The following KIAA0930 variants were observed in gnomAD, a reference collection of about 807,000 sequenced individuals.
The protein encoded by KIAA0930 is KIAA0930, also known as uncharacterized protein KIAA0930.
A neutral mutation model predicts 43.9 loss-of-function variants in KIAA0930; 24 were observed. The ratio of observed to expected loss-of-function variants is 0.55; its 90% CI spans 0.40 to 0.77. The LOEUF (loss-of-function observed/expected upper bound fraction) is 0.77. Among genes scored for constraint, KIAA0930 ranks in the 30% least tolerant of loss-of-function variants. The pLI, the probability that KIAA0930 is intolerant of heterozygous loss-of-function variation, is 0.00. For synonymous variants in KIAA0930, 259 were observed against 216.4 expected, an observed-to-expected ratio of 1.20 and a Z score of -1.73; for missense variants, 461 against 574.2, an observed-to-expected ratio of 0.80 and a Z score of 2.02.
At chr22:45,223,630 G>C (rs1010145032) in intron 1 of KIAA0930, among the ~76,000 whole-genome samples, 24 of 148,686 alleles carry the variant, frequency 1.6e-4, no homozygotes, top group African/African-American at 6.0e-4. Context: ...ATCAGCACCA[G>C]ATAAGCACCC....
chr22:45,220,298 C>CA (rs2083759640), intron 1 of KIAA0930, among the ~76,000 whole-genome samples: 1 of 151,732 alleles, frequency 6.6e-6, no homozygotes, highest in Admixed American at 6.6e-5. Context: ...ACTAAAAATA[C>CA]AAAAAAATTA....
intron 1 of KIAA0930, among the ~76,000 whole-genome samples, chr22:45,220,743 G>A (rs2083762600): frequency 6.6e-6 from 1 of 152,050 alleles, no homozygotes; most frequent in Non-Finnish European, 1.5e-5. Flanking sequence ...ACCATGCCCA[G>A]CTGTGTTTTG....
At chr22:45,206,830 C>T (rs1289075841) in intron 2 of KIAA0930, among the ~76,000 whole-genome samples, 1 of 152,004 alleles carries the variant, frequency 6.6e-6, no homozygotes, top group Non-Finnish European at 1.5e-5. Flanking sequence ...TCCTGAGTAG[C>T]TGGGATTACA....
At chr22:45,200,089 G>A (rs1204895515) in intron 7 of KIAA0930, 54 bp from the exon 8 acceptor site, 1 of 1,512,886 alleles carries the variant, frequency 6.6e-7, no homozygotes, top group Non-Finnish European at 8.9e-7. Flanking sequence ...CCTCCCCGGG[G>A]GTCCCAACGC....
chr22:45,197,642 G>A, intron 9 of KIAA0930, 148 bp downstream of exon 9: 2 of 772,682 alleles, frequency 2.6e-6, no homozygotes, highest in Non-Finnish European at 4.2e-6. Flanking sequence ...CAAAGTCTGA[G>A]ACAAAGAGGC....
At position 45,240,784 on chromosome 22, in the gene KIAA0930, C is replaced by A. The variant is rs2147772299; in HGVS notation, c.-81G>T. ...GCGGCGGGGAGGGCGGGCGGCCCGG[C>A]CCGCAGCCCGCCGCGAGCACCAAGG... On this transcript the variant is annotated 5_prime_UTR_variant, in exon 1 of 10. Transcript: ENST00000336156. 1 of 374 alleles carries A rather than the reference C, an allele frequency of 2.7e-3. No individual in the cohort carries two copies. The highest frequency in any genetic ancestry group is 7.2e-3 in the Non-Finnish European group (1 of 138). 0.0% of individuals were successfully genotyped at this position (374 alleles called of 1,614,324 possible).
intron 1 of KIAA0930, among the ~76,000 whole-genome samples, chr22:45,221,513 A>G (rs935406369): frequency 1.3e-5 from 2 of 152,250 alleles, no homozygotes; most frequent in Non-Finnish European, 2.9e-5. Flanking sequence ...CTTAAGCTCC[A>G]TGAACACATC....
At position 45,212,525 on chromosome 22, in the gene KIAA0930, C is replaced by T; in HGVS notation, c.65-418G>A. The T allele has an allele frequency of 2.8e-6, 4 of 1,411,632 alleles. No homozygotes were observed. The South Asian group carries it at 4.8e-5, about 17-fold the overall frequency. 87.4% of individuals were successfully genotyped at this position (1,411,632 alleles called of 1,614,324 possible). ...CAGGGCTCTCACCAACATCTCTCAC[C>T]CCCACCCACTCCCCCTGGCTGCGGC... On this transcript the variant is annotated intron_variant, in intron 1 of 9. Coordinates refer to ENST00000336156, the MANE Select transcript of KIAA0930 (RefSeq NM_001009880.2).
At chr22:45,212,286 T>C in intron 1 of KIAA0930, 179 bp from the exon 2 acceptor site, 1 of 1,613,214 alleles carries the variant, frequency 6.2e-7, no homozygotes, top group South Asian at 1.1e-5. Context: ...CCAGAGAGGC[T>C]GGAGGACACC....
At chr22:45,200,906 G>A (rs980618200) in intron 7 of KIAA0930, 2 of 475,590 alleles carry the variant, frequency 4.2e-6, no homozygotes, top group African/African-American at 4.0e-5. Context: ...AGGCTTCCTG[G>A]AGGAGATGCC....
chr22:45,219,582 GTTTTTTTTTTTT>G (rs535482000), intron 1 of KIAA0930, among the ~76,000 whole-genome samples: 6 of 61,218 alleles, frequency 9.8e-5, no homozygotes, highest in African/African-American at 1.7e-4. Flanking sequence ...AGAGGTGATT[GTTTTTTTTTTTT>G]TTTTTTTTTT....
chr22:45,240,791 C>T lies in KIAA0930; in HGVS notation c.-88G>A, dbSNP rs1395056695. On this transcript the variant is annotated 5_prime_UTR_variant, in exon 1 of 10. Transcript: ENST00000336156. ...GGAGGGCGGGCGGCCCGGCCCGCAG[C>T]CCGCCGCGAGCACCAAGGAAGCCAC... The T allele has an allele frequency of 6.9e-6, 1 of 145,428 alleles. No individual in the cohort carries two copies. The highest frequency in any genetic ancestry group is 1.5e-5 in the Non-Finnish European group (1 of 65,252). The allele number at this position is 145,428 out of a possible 1,614,324, so 9.0% of individuals were successfully genotyped here. A position where few individuals can be genotyped will look rare whatever the true frequency, so the allele number is the denominator to read the frequency against.
Position 45,205,714 on chromosome 22 carries a change from G to A in KIAA0930, c.337-7C>T. On this transcript the variant is annotated splice_region_variant and splice_polypyrimidine_tract_variant and intron_variant, in intron 3 of 9. Coordinates refer to ENST00000336156, the MANE Select transcript of KIAA0930 (RefSeq NM_001009880.2). ...AGGTCACCATGTAGTCCAGCTGGAA[G>A]AGAGCACGGGTCAGCGTGCAGGGAG... 6.2e-7 allele frequency: 1 copy of A among 1,614,162 alleles called. No individual in the cohort carries two copies. The highest frequency in any genetic ancestry group is 1.7e-5 in the Admixed American group (1 of 60,028).
intron 1 of KIAA0930, among the ~76,000 whole-genome samples, chr22:45,240,142 G>C (rs930116158): frequency 6.6e-6 from 1 of 152,134 alleles, no homozygotes; most frequent in Non-Finnish European, 1.5e-5. Flanking sequence ...GGGCCGGTGG[G>C]TGCGGAAAGA....
chr22:45,219,604 T>G (rs1019550443), intron 1 of KIAA0930, among the ~76,000 whole-genome samples: 55 of 143,340 alleles, frequency 3.8e-4, no homozygotes, highest in Non-Finnish European at 5.1e-4. Context: ...TTTTTTTTTT[T>G]TTTTTTTAAG....
Position 45,203,175 on chromosome 22 carries a change from C to T in KIAA0930, c.667G>A (p.Ala223Thr). ...GACATCTTCTGTGCCATGCGGGCGG[C>T]CACGCTCACCTGGGGGCCGGCGCGG... ...KKVYDNRVSV[A>T]ARMAQKMSFG... is the part of the protein sequence containing the mutation. The change falls in exon 7 of 10, where the codon GCC (alanine) becomes ACC (threonine). Residue 223 changes from alanine to threonine, a missense_variant. Ala to Thr is a moderately conservative substitution (Grantham distance 58, BLOSUM62 0). Coordinates refer to ENST00000336156, the MANE Select transcript of KIAA0930 (RefSeq NM_001009880.2). 1 of 1,601,554 alleles carries T rather than the reference C, an allele frequency of 6.2e-7. No homozygotes were observed. The highest frequency in any genetic ancestry group is 8.5e-7 in the Non-Finnish European group (1 of 1,172,748).
At chr22:45,222,065 A>T (rs1388310197) in intron 1 of KIAA0930, among the ~76,000 whole-genome samples, 1 of 152,094 alleles carries the variant, frequency 6.6e-6, no homozygotes, top group Non-Finnish European at 1.5e-5. Context: ...ACTTGAAATC[A>T]ATAGGATGTA....
At chr22:45,220,555 T>C (rs1249534608) in intron 1 of KIAA0930, among the ~76,000 whole-genome samples, 1 of 152,184 alleles carries the variant, frequency 6.6e-6, no homozygotes, top group African/African-American at 2.4e-5. Context: ...GAGCATTCAA[T>C]CAAATTCAAC....
intron 1 of KIAA0930, among the ~76,000 whole-genome samples, chr22:45,224,311 TAAAAC>T (rs2083785273): frequency 6.6e-6 from 1 of 152,172 alleles, no homozygotes; most frequent in Non-Finnish European, 1.5e-5. Flanking sequence ...ATCCCGCAAA[TAAAAC>T]AAAGACAAAA....
Sources: allele counts gnomAD v4.1 joint callset (sites outside exome capture counted in the v4.1 genomes callset), GRCh38; gene constraint gnomAD v4.1.1; transcripts MANE v1.5; gene names NCBI Gene and HGNC (gene_info 2026-07-23, HGNC 2026-07-21).